RANBP10: variants seen among roughly 807,000 people sequenced by gnomAD.
RANBP10 encodes the protein ran-binding protein 10.
RANBP10 carries 24 observed loss-of-function variants against 72.8 expected under a neutral mutation model. The observed-to-expected ratio is 0.33, with a 90% confidence interval of 0.24 to 0.46. RANBP10 has a LOEUF of 0.46. RANBP10 is among the 20% of genes least tolerant of loss of function. The pLI, the probability that RANBP10 is intolerant of heterozygous loss-of-function variation, is 1.00. For missense variants in RANBP10, 679 were observed against 817.5 expected (o/e 0.83, Z 2.07); for synonymous variants, 310 against 322.3 (o/e 0.96, Z 0.41).
chr16:67,734,329 G>A (rs2053795449), intron 6 of RANBP10, among the ~76,000 whole-genome samples: 1 of 152,234 alleles, frequency 6.6e-6, no homozygotes. Flanking sequence ...TCCCTTGGGA[G>A]TTCAGCGACA....
chr16:67,806,231 C>T (rs1277460541), intron 1 of RANBP10, 71 bp downstream of exon 1: 2 of 1,396,678 alleles, frequency 1.4e-6, no homozygotes, highest in Admixed American at 2.3e-5. Context: ...GGTGATAGGG[C>T]GGGGGCCTGG....
At chr16:67,788,986 G>C (rs2054974510) in intron 2 of RANBP10, among the ~76,000 whole-genome samples, 2 of 144,656 alleles carry the variant, frequency 1.4e-5, no homozygotes, top group African/African-American at 5.2e-5. Context: ...AACAGAGTGA[G>C]ACTCCGTCTC....
intron 4 of RANBP10, 95 bp from the exon 5 acceptor site, chr16:67,738,130 T>C (rs2053893551): frequency 5.3e-6 from 7 of 1,310,302 alleles, no homozygotes; most frequent in Non-Finnish European, 7.2e-6. Context: ...CGGGTAGTTG[T>C]TTTTTTTGGT....
chr16:67,778,533 T>C (rs542012829), intron 2 of RANBP10, among the ~76,000 whole-genome samples: 2 of 152,220 alleles, frequency 1.3e-5, no homozygotes, highest in African/African-American at 2.4e-5. Context: ...AGAGAAAACA[T>C]AGATAAAGTA....
At chr16:67,745,547 C>T in intron 3 of RANBP10, among the ~76,000 whole-genome samples, 1 of 151,406 alleles carries the variant, frequency 6.6e-6, no homozygotes, top group East Asian at 2.0e-4. Context: ...GTTGGCCAGG[C>T]TGGTCTTGAA....
At chr16:67,737,868 T>C in intron 5 of RANBP10, 145 bp downstream of exon 5, 1 of 1,104,132 alleles carries the variant, frequency 9.1e-7, no homozygotes, top group African/African-American at 1.6e-5. Flanking sequence ...GTGCCCCTCC[T>C]GGTACCCTCA....
intron 2 of RANBP10, among the ~76,000 whole-genome samples, chr16:67,790,751 G>A (rs1246076719): frequency 6.6e-6 from 1 of 151,816 alleles, no homozygotes; most frequent in Non-Finnish European, 1.5e-5. Context: ...CTAGGCTGGA[G>A]TGCAGTGGCA....
At chr16:67,760,820 T>C (rs2054382150) in intron 3 of RANBP10, among the ~76,000 whole-genome samples, 1 of 152,194 alleles carries the variant, frequency 6.6e-6, no homozygotes, top group South Asian at 2.1e-4. Flanking sequence ...CCAGCTCTGA[T>C]GCAGCTGGGC....
chr16:67,783,209 T>G (rs551442577), intron 2 of RANBP10, among the ~76,000 whole-genome samples: 3 of 152,230 alleles, frequency 2.0e-5, no homozygotes, highest in South Asian at 2.1e-4. Context: ...TGAGACAGAT[T>G]TGGCACAGCT....
intron 2 of RANBP10, among the ~76,000 whole-genome samples, chr16:67,791,410 T>C (rs1451578660): frequency 6.6e-6 from 1 of 152,150 alleles, no homozygotes; most frequent in Non-Finnish European, 1.5e-5. Context: ...CAGGAGCCAA[T>C]GGGGCTCGAC....
chr16:67,727,490 C>T, intron 12 of RANBP10, 52 bp from the exon 13 acceptor site: 1 of 1,531,358 alleles, frequency 6.5e-7, no homozygotes, highest in African/African-American at 1.4e-5. Flanking sequence ...ATAGCTCACC[C>T]TGCTACCCGT....
intron 3 of RANBP10, among the ~76,000 whole-genome samples, chr16:67,771,827 G>C (rs1269730311): frequency 6.6e-6 from 1 of 152,172 alleles, no homozygotes. Context: ...TTCCATTAAT[G>C]ACAATCACTT....
chr16:67,775,020 T>C (rs999229012), intron 2 of RANBP10, among the ~76,000 whole-genome samples: 9 of 152,120 alleles, frequency 5.9e-5, no homozygotes, highest in Admixed American at 2.0e-4. Flanking sequence ...AGGTCATATA[T>C]GAAAAACCTG....
intron 5 of RANBP10, among the ~76,000 whole-genome samples, chr16:67,735,317 C>T (rs758328289): frequency 2.0e-5 from 3 of 152,206 alleles, no homozygotes; most frequent in Non-Finnish European, 2.9e-5. Flanking sequence ...GCCCAAGAGC[C>T]CTTTCTGGAA....
intron 2 of RANBP10, 51 bp downstream of exon 2, chr16:67,805,377 A>G (rs770539630): frequency 2.0e-6 from 3 of 1,527,914 alleles, no homozygotes; most frequent in Non-Finnish European, 2.7e-6. Flanking sequence ...AACTCTGACC[A>G]CAGGGATCAG....
In RANBP10 at chr16:67,726,290, G is replaced by A; in HGVS notation, c.*138C>T. On this transcript the variant is annotated 3_prime_UTR_variant, in exon 14 of 14. Coordinates refer to ENST00000317506, the MANE Select transcript of RANBP10 (RefSeq NM_020850.3). ...GAGAAAGGAAGGAAGGAAGGAAAGGGAGAGGGGGAAAGGCCAGGCAGGAGG... is the reference window on the plus strand; with the variant it reads ...GAGAAAGGAAGGAAGGAAGGAAAGGAAGAGGGGGAAAGGCCAGGCAGGAGG... 7.7e-7 allele frequency: 1 copy of A among 1,292,246 alleles called. No individual in the cohort carries two copies. The highest frequency in any genetic ancestry group is 1.1e-6 in the Non-Finnish European group (1 of 935,004). 80.0% of individuals were successfully genotyped at this position (1,292,246 alleles called of 1,614,324 possible).
rs528225489 is a variant in RANBP10 at position 67,801,285 on chromosome 16, A to G, written c.347+4143T>C. Among the ~76,000 whole-genome samples the G allele has an allele frequency of 2.0e-5, 3 of 152,274 alleles. No homozygotes were observed. The South Asian group carries it at 6.2e-4, about 32-fold the overall frequency. On this transcript the variant is annotated intron_variant, in intron 2 of 13. Coordinates refer to ENST00000317506, the MANE Select transcript of RANBP10 (RefSeq NM_020850.3). Reference sequence around the variant, plus strand: ...TCTCTGGCCCTACACAGCACCATGCACCTTTCAGCTCTGTCCCCTAACATT... The same window carrying G: ...TCTCTGGCCCTACACAGCACCATGCGCCTTTCAGCTCTGTCCCCTAACATT...
chr16:67,729,576 C>G lies in RANBP10; in HGVS notation c.1148-92G>C. The G allele has an allele frequency of 1.3e-6, 2 of 1,555,322 alleles. No homozygotes were observed. Among genetic ancestry groups the G allele is most frequent in the Non-Finnish European group, 1.7e-6 (2 of 1,150,842 alleles). ...CCACAGTGGTCCCATTTCCCTTCTCCCAAATCCAGCAGTGAGCCCTGAGCC... is the reference window on the plus strand; with the variant it reads ...CCACAGTGGTCCCATTTCCCTTCTCGCAAATCCAGCAGTGAGCCCTGAGCC... On this transcript the variant is annotated intron_variant, in intron 9 of 13. Coordinates refer to ENST00000317506, the MANE Select transcript of RANBP10 (RefSeq NM_020850.3). The surrounding 1 kb of genome is among the most constrained non-coding windows in gnomAD (Gnocchi z 7.1).
In RANBP10 at chr16:67,744,471, G is replaced by A. The variant is rs1298468005; in HGVS notation, c.401-16C>T. 6.2e-7 allele frequency: 1 copy of A among 1,606,558 alleles called. No homozygotes were observed. The highest frequency in any genetic ancestry group is 2.2e-5 in the East Asian group (1 of 44,710). On this transcript the variant is annotated splice_polypyrimidine_tract_variant and intron_variant, in intron 3 of 13. Transcript: ENST00000317506. Reference sequence around the variant, plus strand: ...TTGTCCCAACCTGTGGGGGAAGAGAGCAGCAATAACTGAGTAGGTACTTGA... The same window carrying A: ...TTGTCCCAACCTGTGGGGGAAGAGAACAGCAATAACTGAGTAGGTACTTGA...
Sources: allele counts gnomAD v4.1 joint callset (sites outside exome capture counted in the v4.1 genomes callset), GRCh38; gene constraint gnomAD v4.1.1; non-coding constraint Gnocchi (gnomAD v3.1); transcripts MANE v1.5; gene names NCBI Gene and HGNC (gene_info 2026-07-23, HGNC 2026-07-21).